Variants in TRPM3 observed in about 807,000 individuals in gnomAD.
TRPM3 encodes long transient receptor potential channel 3.
A neutral mutation model predicts 181.2 loss-of-function variants in TRPM3; 77 were observed. The observed-to-expected ratio is 0.42, with a 90% CI of 0.35 to 0.51. The LOEUF is 0.51. Ranked by LOEUF, TRPM3 falls within the 20% of genes least tolerant of loss-of-function variation. The pLI, the probability that TRPM3 is intolerant of heterozygous loss-of-function variation, is 0.01. For synonymous variants in TRPM3, 745 were observed against 796.4 expected, an observed-to-expected ratio of 0.94 and a Z score of 1.09; for missense variants, 1,759 against 2,196.7, an observed-to-expected ratio of 0.80 and a Z score of 3.98.
At chr9:70,885,117 G>A (rs987728786) in intron 1 of TRPM3, among the ~76,000 whole-genome samples, 1 of 152,018 alleles carries the variant, frequency 6.6e-6, no homozygotes, top group Non-Finnish European at 1.5e-5. Flanking sequence ...TTTCTAACAG[G>A]CTAACACTCT....
chr9:71,180,071 T>TTTTTTTA (rs1717366171), intron 1 of TRPM3, among the ~76,000 whole-genome samples: 7 of 137,538 alleles, frequency 5.1e-5, no homozygotes, highest in East Asian at 2.0e-4. Flanking sequence ...TTTTTTTTTT[T>TTTTTTTA]GAGACAGAGT....
chr9:70,669,747 C>A (rs559117351), intron 9 of TRPM3, among the ~76,000 whole-genome samples: 4 of 138,454 alleles, frequency 2.9e-5, no homozygotes, highest in African/African-American at 1.1e-4. Context: ...TCTTTCTTTT[C>A]TTTTTTTTTT....
At chr9:70,601,562 C>T (rs1050959228) in intron 20 of TRPM3, among the ~76,000 whole-genome samples, 23 of 152,100 alleles carry the variant, frequency 1.5e-4, no homozygotes, top group African/African-American at 5.3e-4. Context: ...GTTGGGGCGC[C>T]GCCTCACTGA....
chr9:70,978,396 C>T (rs1438072291), intron 1 of TRPM3, among the ~76,000 whole-genome samples: 1 of 152,168 alleles, frequency 6.6e-6, no homozygotes, highest in African/African-American at 2.4e-5. Flanking sequence ...CTCCACTTGC[C>T]TTTAATACAG....
intron 1 of TRPM3, among the ~76,000 whole-genome samples, chr9:71,316,152 A>T (rs2088567455): frequency 6.6e-6 from 1 of 152,230 alleles, no homozygotes; most frequent in African/African-American, 2.4e-5. Context: ...TTGAATGAAC[A>T]AAGAGGATTG....
chr9:71,004,720 T>C (rs1453718783), intron 1 of TRPM3, among the ~76,000 whole-genome samples: 2 of 152,200 alleles, frequency 1.3e-5, no homozygotes, highest in Non-Finnish European at 1.5e-5. Flanking sequence ...AAAATGTGGA[T>C]AGATAACTAA....
intron 1 of TRPM3, among the ~76,000 whole-genome samples, chr9:70,890,792 T>C (rs1309638001): frequency 1.3e-5 from 2 of 151,896 alleles, no homozygotes; most frequent in Non-Finnish European, 2.9e-5. Context: ...GGAAAAAACA[T>C]GGTATCTAAA....
At chr9:71,436,156 T>C (rs139231643) in intron 1 of TRPM3, among the ~76,000 whole-genome samples, 1,576 of 152,226 alleles carry the variant, frequency 0.01, 24 homozygotes, top group African/African-American at 0.036. Context: ...CTTTTGCTTC[T>C]TCCTCATTTT....
At chr9:70,793,651 TC>T (rs1326544307) in intron 6 of TRPM3, 3 of 470,650 alleles carry the variant, frequency 6.4e-6, no homozygotes, top group South Asian at 4.6e-5. Flanking sequence ...TCTTCACCTG[TC>T]TTTTATCCTG....
chr9:71,264,186 GAGA>G (rs1350400321), intron 1 of TRPM3, among the ~76,000 whole-genome samples: 1 of 151,898 alleles, frequency 6.6e-6, no homozygotes, highest in Non-Finnish European at 1.5e-5. Context: ...TCTGAAGTAG[GAGA>G]AGAATGAAAA....
intron 1 of TRPM3, among the ~76,000 whole-genome samples, chr9:71,076,880 G>T (rs2063534092): frequency 6.6e-6 from 1 of 152,072 alleles, no homozygotes; most frequent in Admixed American, 6.6e-5. Flanking sequence ...AAACTCAAAG[G>T]CATCAGGGAC....
At chr9:70,793,271 T>C (rs965085314) in intron 6 of TRPM3, among the ~76,000 whole-genome samples, 3 of 151,846 alleles carry the variant, frequency 2.0e-5, no homozygotes, top group East Asian at 1.9e-4. Context: ...CTGGGAAATA[T>C]AGCAAGAACC....
intron 1 of TRPM3, among the ~76,000 whole-genome samples, chr9:71,070,260 G>A (rs1263650996): frequency 2.6e-5 from 4 of 152,292 alleles, no homozygotes; most frequent in Middle Eastern, 3.4e-3. Flanking sequence ...TTTTTCATGC[G>A]GCAGGGTTTC....
chr9:70,590,964 G>T (rs780160342), intron 22 of TRPM3, 67 bp downstream of exon 22: 4 of 1,600,840 alleles, frequency 2.5e-6, no homozygotes, highest in Non-Finnish European at 2.6e-6. Flanking sequence ...AATGAACTTG[G>T]AAAAGACATA....
intron 1 of TRPM3, among the ~76,000 whole-genome samples, chr9:71,331,869 AG>A: frequency 9.2e-4 from 1 of 1,088 alleles, no homozygotes; most frequent in Non-Finnish European, 1.8e-3. Context: ...ACGGAGGAGG[AG>A]GAAGAAAGAG....
rs756445412 is a variant in TRPM3, at chr9:70,616,026, T to C, written c.2408A>G (p.Lys803Arg). 1 of 1,611,562 alleles carries C rather than the reference T, an allele frequency of 6.2e-7. No homozygotes were observed. Among genetic ancestry groups the C allele is most frequent in the South Asian group, 1.1e-5 (1 of 90,252 alleles). Reference sequence around the variant, plus strand: ...CATATAGGGCATGTCGTCTTTGTTCTTGAACTCCAAGCTGAGAATTGAAGG... The same window carrying C: ...CATATAGGGCATGTCGTCTTTGTTCCTGAACTCCAAGCTGAGAATTGAAGG... ...LPPSILSLEF[K>R]NKDDMPYMSQ... Residue 803 changes from lysine to arginine, a missense_variant, in exon 18 of 26, where the codon AAG becomes AGG. This residue lies in a region of TRPM3 where 114 missense variants were observed against 134.8 expected (regional missense o/e 0.85). Transcript: ENST00000677713.
intron 21 of TRPM3, among the ~76,000 whole-genome samples, chr9:70,596,702 A>AAAAC (rs2059098180): frequency 8.6e-6 from 1 of 116,646 alleles, no homozygotes; most frequent in Non-Finnish European, 1.8e-5. Flanking sequence ...GTGACAGAGT[A>AAAAC]AAACACTGTC....
At position 71,426,702 on chromosome 9, in the gene TRPM3, CT is replaced by C. The variant is rs1189525948; in HGVS notation, c.183+19950del. On this transcript the variant is annotated intron_variant, in intron 1 of 24. Coordinates refer to the TRPM3 transcript ENST00000357533. Reference sequence around the variant, plus strand: ...TTATACAGATGCTTCACAGGTTTTGCTGTGAAAAGCTTCCTTGACTTTATTC... The same window carrying C: ...TTATACAGATGCTTCACAGGTTTTGCGTGAAAAGCTTCCTTGACTTTATTC... Among the ~76,000 whole-genome samples the C allele has an allele frequency of 3.9e-5, 6 of 152,188 alleles. 1 individual carries two copies. Among genetic ancestry groups the C allele is most frequent in the African/African-American group, 1.4e-4 (6 of 41,530 alleles).
At chr9:71,152,705 T>C (rs929040693) in intron 1 of TRPM3, among the ~76,000 whole-genome samples, 1 of 152,138 alleles carries the variant, frequency 6.6e-6, no homozygotes, top group Non-Finnish European at 1.5e-5. Flanking sequence ...GAGGCCATCA[T>C]AGGAGTTGGA....
Sources: allele counts gnomAD v4.1 joint callset (sites outside exome capture counted in the v4.1 genomes callset), GRCh38; gene constraint gnomAD v4.1.1; regional missense constraint gnomAD v4.1.1; transcripts MANE v1.5; gene names NCBI Gene and HGNC (gene_info 2026-07-23, HGNC 2026-07-21).